MAN2B1: variants seen among roughly 807,000 people sequenced by gnomAD.
The protein encoded by MAN2B1 is lysosomal alpha-mannosidase.
Under a neutral mutation model 127.5 loss-of-function variants are expected in MAN2B1, and 99 were observed. That is an observed-to-expected ratio of 0.78 (90% CI 0.66 to 0.92). The LOEUF is 0.92. MAN2B1 is among the 40% of genes least tolerant of loss of function. The pLI is 0.00. For synonymous variants in MAN2B1, 573 were observed against 568.8 expected, an observed-to-expected ratio of 1.01 and a Z score of -0.11; for missense variants, 1,304 against 1,384.8, an observed-to-expected ratio of 0.94 and a Z score of 0.93.
Position 12,663,738 on chromosome 19 carries a change from G to A in MAN2B1, c.728C>T (p.Thr243Ile). 1 of 1,613,616 alleles carries A rather than the reference G, an allele frequency of 6.2e-7. No homozygotes were observed. The highest frequency in any genetic ancestry group is 1.1e-5 in the South Asian group (1 of 91,068). ...LEMEQVWRAS[T>I]SLKPPTADLF... The stretch of plus-strand genomic sequence containing the variant: ...GTCCGCGGTCGGGGGCTTCAGGCTG[G>A]TGCTGGCCCGCCACACCTGCTCCAT... Residue 243 changes from threonine to isoleucine, a missense_variant, in exon 5 of 24, where the codon ACC becomes ATC. Thr to Ile is a moderately conservative substitution (Grantham distance 89). Transcript: ENST00000456935.
chr19:12,663,225 A>G, intron 6 of MAN2B1, 92 bp downstream of exon 6: 2 of 1,501,934 alleles, frequency 1.3e-6, no homozygotes, highest in East Asian at 2.3e-5. Flanking sequence ...AAAATTAAAA[A>G]TAAGGAGAAC....
chr19:12,649,436 T>TGG lies in MAN2B1; in HGVS notation c.2268-10_2268-9dup, dbSNP rs1317213332. On this transcript the variant is annotated splice_polypyrimidine_tract_variant and intron_variant, in intron 18 of 23. Coordinates refer to ENST00000456935, the MANE Select transcript of MAN2B1 (RefSeq NM_000528.4). ...GTGGGTCGATAATCCCGCCTGGGGT[T>TGG]GGGGGTGAGCTGATCAGGCTTGGGA... 6.3e-7 allele frequency: 1 copy of TGG among 1,583,330 alleles called. No homozygotes were observed. Among genetic ancestry groups the TGG allele is most frequent in the Non-Finnish European group, 8.6e-7 (1 of 1,156,480 alleles).
Position 12,647,318 on chromosome 19 carries a change from G to C in MAN2B1, c.2838C>G (p.Phe946Leu). The stretch of plus-strand genomic sequence containing the variant: ...TGGTCTCCTGCAGGCGGGTGATGGT[G>C]AAGGTGGAGAACAGGTCCTGCGGGG... Reference protein sequence around the residue: ...TLNLRDLFSTFTITRLQETTL... With the variant: ...TLNLRDLFSTLTITRLQETTL... Residue 946 changes from phenylalanine to leucine, a missense_variant, in exon 23 of 24, where the codon TTC becomes TTG. Phe to Leu is a conservative substitution (Grantham distance 22). Transcript: ENST00000456935. This position sits in a 1 kb window ranked among gnomAD's most constrained non-coding sequence, Gnocchi z 4.9. The C allele has an allele frequency of 6.2e-7, 1 of 1,614,170 alleles. No individual in the cohort carries two copies. Among genetic ancestry groups the C allele is most frequent in the Non-Finnish European group, 8.5e-7 (1 of 1,180,008 alleles).
rs781433219 is a variant in MAN2B1, at chr19:12,647,093, C to G, written c.2923+140G>C. 1.4e-4 allele frequency: 114 copies of G among 796,954 alleles called. No homozygotes were observed. Among genetic ancestry groups the G allele is most frequent in the Non-Finnish European group, 2.3e-4 (108 of 468,480 alleles). The allele number at this position is 796,954 out of a possible 1,614,324, so 49.4% of individuals were successfully genotyped here. ...GCACCCATTTCAGATCCTTTAAGCC[C>G]CTAACCTGGGTCTGGACTCTGCCCC... On this transcript the variant is annotated intron_variant, in intron 23 of 23. Transcript: ENST00000456935. This position sits in a 1 kb window ranked among gnomAD's most constrained non-coding sequence, Gnocchi z 4.9.
Position 12,657,053 on chromosome 19 carries a change from G to T in MAN2B1, c.1423C>A (p.Leu475Ile). ...LAAGWGPCEV[L>I]LSNALARLRG... is the part of the protein sequence containing the mutation. ...AGCCGCGCCAGCGCGTTGCTCAGAA[G>T]AACCTGCGGAAGAGCGCAAAGGGAC... Residue 475 changes from leucine (L) to isoleucine (I), a missense_variant, in exon 12 of 24, where the codon CTT (leucine) becomes ATT (isoleucine). Physicochemically the swap from Leu to Ile is conservative, Grantham distance 5. Coordinates refer to ENST00000456935, the MANE Select transcript of MAN2B1 (RefSeq NM_000528.4). 1.9e-6 allele frequency: 3 copies of T among 1,601,314 alleles called. No homozygotes were observed. The highest frequency in any genetic ancestry group is 1.7e-6 in the Non-Finnish European group (2 of 1,172,478).
At position 12,663,057 on chromosome 19, in the gene MAN2B1, G is replaced by A. The variant is rs180690158; in HGVS notation, c.909+260C>T. 3.8e-4 allele frequency among the ~76,000 whole-genome samples: 58 copies of A among 152,066 alleles called. 1 individual carries two copies. Among genetic ancestry groups the A allele is most frequent in the African/African-American group, 1.4e-3 (58 of 41,498 alleles). On this transcript the variant is annotated intron_variant, in intron 6 of 23. Transcript: ENST00000456935. Reference sequence around the variant, plus strand: ...GAGGCAAGCAGATCACTTGAGCTCAGGAGTTTGAGACCAGCCTGGACAACA... The same window carrying A: ...GAGGCAAGCAGATCACTTGAGCTCAAGAGTTTGAGACCAGCCTGGACAACA...
chr19:12,661,816 T>A lies in MAN2B1; in HGVS notation c.910-440A>T, dbSNP rs113587840. Among the ~76,000 whole-genome samples the A allele has an allele frequency of 2.6e-3, 385 of 149,730 alleles. 1 individual carries two copies. Among genetic ancestry groups the A allele is most frequent in the African/African-American group, 9.1e-3 (366 of 40,268 alleles). On this transcript the variant is annotated intron_variant, in intron 6 of 23. Transcript: ENST00000456935. ...CAACCTGGGCCACACAGCAAGACCC[T>A]GTCTCAAGAAAAAAAAAAAAAATTA...
At chr19:12,658,009 G>C (rs571314298) in intron 10 of MAN2B1, 54 bp downstream of exon 10, 1 of 1,433,822 alleles carries the variant, frequency 7.0e-7, no homozygotes, top group East Asian at 2.3e-5. Flanking sequence ...GCGGCCTAGG[G>C]GTGGTTTCCA....
chr19:12,658,224 C>A lies in MAN2B1; in HGVS notation c.1230G>T (p.Gln410His), dbSNP rs563097824. The A allele has an allele frequency of 6.2e-7, 1 of 1,614,040 alleles. No individual in the cohort carries two copies. Among genetic ancestry groups the A allele is most frequent in the Admixed American group, 1.7e-5 (1 of 60,028 alleles). Reference sequence around the variant, plus strand: ...CCCCTCTAGCCCGGCTCCTACCCACCTGCAGGAAGTTGTAGCTGAGGCGCT... The same window carrying A: ...CCCCTCTAGCCCGGCTCCTACCCACATGCAGGAAGTTGTAGCTGAGGCGCT... ...RYERLSYNFL[Q>H]VCNQLEALVG... is the part of the protein sequence containing the mutation. Residue 410 changes from glutamine to histidine, a missense_variant and splice_region_variant, in exon 9 of 24, where the codon CAG (glutamine) becomes CAT (histidine). Physicochemically the swap from Gln to His is conservative, Grantham distance 24. Coordinates refer to ENST00000456935, the MANE Select transcript of MAN2B1 (RefSeq NM_000528.4).
chr19:12,648,178 C>T lies in MAN2B1; in HGVS notation c.2661G>A (p.Thr887=), dbSNP rs775212002. 2.1e-5 allele frequency: 33 copies of T among 1,536,700 alleles called. 1 individual carries two copies. Among genetic ancestry groups the T allele is most frequent in the Middle Eastern group, 2.2e-4 (1 of 4,612 alleles). The change falls in exon 21 of 24, where the codon ACG becomes ACA. Residue 887 remains threonine (T), a synonymous_variant. Transcript: ENST00000456935. ...AAYNLGAPPR[T]QFSGLRRDLP... ...TGCCTACCCCGCTGCCCCTCACCTG[C>T]GTGCGCGGAGGAGCCCCGAGATTGT...
chr19:12,649,785 C>T, intron 18 of MAN2B1, 128 bp downstream of exon 18: 1 of 833,516 alleles, frequency 1.2e-6, no homozygotes, highest in Non-Finnish European at 2.0e-6. Flanking sequence ...CCCTGCCTGG[C>T]TCCCCCGCCC....
rs1280139624 is a variant in MAN2B1 at position 12,663,365 on chromosome 19, G to T, written c.861C>A (p.Tyr287Ter). The T allele has an allele frequency of 6.2e-7, 1 of 1,614,132 alleles. No individual in the cohort carries two copies. Among genetic ancestry groups the T allele is most frequent in the Admixed American group, 1.7e-5 (1 of 60,012 alleles). The change falls in exon 6 of 24, where the codon TAC becomes TAA. Residue 287 changes from tyrosine to a stop codon, truncating the protein, a stop_gained. Coordinates refer to ENST00000456935, the MANE Select transcript of MAN2B1 (RefSeq NM_000528.4). LOFTEE classifies it high-confidence loss of function. ...AGTAATCGACCAGCTCCTTGGCGTT[G>T]TACTCGGGGCTGCGAGGGTCCTCCA... Reference protein sequence around the residue: ...PLVEDPRSPEYNAKELVDYFL... With the variant: ...PLVEDPRSPE
intron 7 of MAN2B1, among the ~76,000 whole-genome samples, chr19:12,660,319 C>T (rs1462476961): frequency 6.6e-6 from 1 of 152,160 alleles, no homozygotes; most frequent in Non-Finnish European, 1.5e-5. Context: ...TCCTGGCCAA[C>T]ATGGTGAAAC....
At chr19:12,657,393 C>T in intron 11 of MAN2B1, 53 bp downstream of exon 11, 1 of 1,471,304 alleles carries the variant, frequency 6.8e-7, no homozygotes, top group Non-Finnish European at 9.3e-7. Context: ...CAGGCCCTGG[C>T]CCCGCCCCTT....
At position 12,649,135 on chromosome 19, in the gene MAN2B1, C is replaced by T. The variant is rs200036864; in HGVS notation, c.2436+1G>A. On this transcript the variant is annotated splice_donor_variant, in intron 20 of 23. Coordinates refer to ENST00000456935, the MANE Select transcript of MAN2B1 (RefSeq NM_000528.4). LOFTEE classifies it high-confidence loss of function. ...CTCGGATGGGGCTCTGACCCACTCACCATGAGCTCCAGCGAGCCATCTCTC... is the reference window on the plus strand; with the variant it reads ...CTCGGATGGGGCTCTGACCCACTCATCATGAGCTCCAGCGAGCCATCTCTC... 1 of 1,611,818 alleles carries T rather than the reference C, an allele frequency of 6.2e-7. No individual in the cohort carries two copies. The highest frequency in any genetic ancestry group is 8.5e-7 in the Non-Finnish European group (1 of 1,179,662).
Position 12,657,026 on chromosome 19 carries a change from T to C in MAN2B1, c.1450A>G (p.Arg484Gly). The C allele has an allele frequency of 6.2e-7, 1 of 1,613,076 alleles. No homozygotes were observed. The highest frequency in any genetic ancestry group is 8.5e-7 in the Non-Finnish European group (1 of 1,179,828). ...VLLSNALARL[R>G]GFKDHFTFCQ... The stretch of plus-strand genomic sequence containing the variant: ...AAGGTGAAGTGATCTTTGAAGCCTC[T>C]GAGCCGCGCCAGCGCGTTGCTCAGA... The change falls in exon 12 of 24, where the codon AGA becomes GGA. Residue 484 changes from arginine to glycine, a missense_variant. Physicochemically the swap from Arg to Gly is moderately radical, Grantham distance 125. Transcript: ENST00000456935.
intron 20 of MAN2B1, 130 bp from the exon 21 acceptor site, chr19:12,648,532 G>A (rs931486929): frequency 1.2e-5 from 9 of 726,696 alleles, no homozygotes; most frequent in African/African-American, 5.3e-5. Context: ...GAGGATGAAG[G>A]TGAGGGTCTG....
chr19:12,662,227 G>C (rs978625728), intron 6 of MAN2B1, among the ~76,000 whole-genome samples: 6 of 152,166 alleles, frequency 3.9e-5, no homozygotes, highest in African/African-American at 7.2e-5. Context: ...CTATATCCTA[G>C]CACTTTGGGA....
At chr19:12,656,476 G>A (rs2023960578) in intron 13 of MAN2B1, 95 bp downstream of exon 13, 1 of 816,794 alleles carries the variant, frequency 1.2e-6, no homozygotes, top group South Asian at 1.4e-5. Flanking sequence ...TGAGTGGGAG[G>A]TATTCATGGA....
Sources: gnomAD v4.1 joint callset for allele counts (sites outside exome capture counted in the v4.1 genomes callset) on GRCh38, gnomAD v4.1.1 for gene constraint, Gnocchi (gnomAD v3.1) non-coding constraint, MANE v1.5 for transcripts, NCBI Gene and HGNC (gene_info 2026-07-23, HGNC 2026-07-21) for gene names.